Variants in SCN11A observed in about 807,000 individuals in gnomAD.
SCN11A encodes sodium channel protein type 11 subunit alpha.
A neutral mutation model predicts 162.2 loss-of-function variants in SCN11A; 122 were observed. The observed-to-expected ratio is 0.75, with a 90% confidence interval of 0.65 to 0.87. The LOEUF (loss-of-function observed/expected upper bound fraction) is 0.87, where lower values mean the gene tolerates loss of function less well. Ranked by LOEUF, SCN11A falls within the 40% of genes least tolerant of loss-of-function variation. The probability of loss-of-function intolerance (pLI) is 0.00; values close to 1 mark genes in which losing one functional copy is unlikely to be tolerated. For missense variants in SCN11A, 2,015 were observed against 2,181.6 expected (o/e 0.92, Z 1.52); for synonymous variants, 758 against 751.5 (o/e 1.01, Z -0.14).
At chr3:39,037,843 T>C (rs2031946136) in intron 1 of SCN11A, among the ~76,000 whole-genome samples, 1 of 152,184 alleles carries the variant, frequency 6.6e-6, no homozygotes, top group South Asian at 2.1e-4. Context: ...TGTTAAACCT[T>C]TCATATTATC....
At chr3:38,956,651 A>C (rs2066685126) in intron 3 of SCN11A, among the ~76,000 whole-genome samples, 1 of 152,162 alleles carries the variant, frequency 6.6e-6, no homozygotes, top group African/African-American at 2.4e-5. Context: ...GTTCCGGAAA[A>C]TAGTAGCTAC....
At chr3:38,856,878 CT>C (rs1185436198) in intron 28 of SCN11A, among the ~76,000 whole-genome samples, 1 of 152,124 alleles carries the variant, frequency 6.6e-6, no homozygotes, top group Non-Finnish European at 1.5e-5. Flanking sequence ...CACAATGACT[CT>C]TTATAACTAA....
At chr3:38,876,667 T>G (rs12635993) in intron 23 of SCN11A, among the ~76,000 whole-genome samples, 38,483 of 152,016 alleles carry the variant, frequency 0.25, 5,006 homozygotes, top group Middle Eastern at 0.3. Context: ...TGATACCACC[T>G]TACTCCTGCA....
chr3:39,050,048 A>G (rs2032285023), intron 1 of SCN11A, among the ~76,000 whole-genome samples: 1 of 152,228 alleles, frequency 6.6e-6, no homozygotes, highest in Non-Finnish European at 1.5e-5. Context: ...TTTGCACATC[A>G]TAGGTGCTCA....
chr3:38,899,775 GT>G, intron 17 of SCN11A, 118 bp downstream of exon 17: 1 of 758,742 alleles, frequency 1.3e-6, no homozygotes, highest in Non-Finnish European at 2.1e-6. Flanking sequence ...TGCAGTTTTG[GT>G]TCTGGGGTTA....
At chr3:39,035,259 A>T (rs1219705464) in intron 1 of SCN11A, among the ~76,000 whole-genome samples, 1 of 152,214 alleles carries the variant, frequency 6.6e-6, no homozygotes, top group Non-Finnish European at 1.5e-5. Context: ...ACACAGACCA[A>T]GGGAACAGAA....
intron 28 of SCN11A, among the ~76,000 whole-genome samples, chr3:38,861,837 T>C (rs1420995608): frequency 2.6e-5 from 4 of 152,098 alleles, no homozygotes; most frequent in Non-Finnish European, 5.9e-5. Flanking sequence ...AGGCAAAGAA[T>C]TCATGACCAA....
intron 11 of SCN11A, among the ~76,000 whole-genome samples, chr3:38,911,775 CT>C (rs1166777633): frequency 1.3e-5 from 2 of 152,076 alleles, no homozygotes; most frequent in Middle Eastern, 3.4e-3. Context: ...TAATAAGTTT[CT>C]TTTTTTGCTG....
intron 7 of SCN11A, among the ~76,000 whole-genome samples, chr3:38,943,580 T>G (rs962408713): frequency 6.6e-6 from 1 of 152,158 alleles, no homozygotes; most frequent in Non-Finnish European, 1.5e-5. Flanking sequence ...TTCATATGTC[T>G]GAAAAGCCAA....
At chr3:38,998,618 T>C (rs1174594987) in intron 2 of SCN11A, among the ~76,000 whole-genome samples, 1 of 152,154 alleles carries the variant, frequency 6.6e-6, no homozygotes. Flanking sequence ...ATATGTTTAT[T>C]GCGACACTAT....
chr3:38,945,393 T>A lies in SCN11A; in HGVS notation c.488+18A>T. 7 of 1,563,086 alleles carry A rather than the reference T, an allele frequency of 4.5e-6. No homozygotes were observed. Among genetic ancestry groups the A allele is most frequent in the Non-Finnish European group, 6.2e-6 (7 of 1,136,000 alleles). On this transcript the variant is annotated intron_variant, in intron 7 of 29. Transcript: ENST00000302328. Reference sequence around the variant, plus strand: ...TGTTTAAAAACTTAGGACAGGTGAGTGAAGGAAAAATACTTACTCTGCAAT... The same window carrying A: ...TGTTTAAAAACTTAGGACAGGTGAGAGAAGGAAAAATACTTACTCTGCAAT...
In SCN11A at chr3:38,926,735, C is replaced by A. The variant is rs138928857; in HGVS notation, c.617+68G>T. 3,059 of 1,508,004 alleles carry A rather than the reference C, an allele frequency of 2.0e-3. 10 individuals are homozygous for A. Among genetic ancestry groups the A allele is most frequent in the Middle Eastern group, 4.0e-3 (23 of 5,748 alleles). 93.4% of individuals were successfully genotyped at this position (1,508,004 alleles called of 1,614,324 possible). A position where few individuals can be genotyped will look rare whatever the true frequency, so the allele number is the denominator to read the frequency against. Reference sequence around the variant, plus strand: ...GCCACTCAAATGGATCCACACAGAGCTCTGATGGAAGCAAAGGGGCTTCTT... The same window carrying A: ...GCCACTCAAATGGATCCACACAGAGATCTGATGGAAGCAAAGGGGCTTCTT... On this transcript the variant is annotated intron_variant, in intron 8 of 29. Transcript: ENST00000302328.
chr3:38,912,655 A>G (rs2065901616), intron 11 of SCN11A, among the ~76,000 whole-genome samples: 1 of 152,062 alleles, frequency 6.6e-6, no homozygotes, highest in Non-Finnish European at 1.5e-5. Flanking sequence ...AGTAGGTCCC[A>G]GTAGCTGTTG....
At chr3:38,972,339 T>C (rs1359076057) in intron 2 of SCN11A, among the ~76,000 whole-genome samples, 2 of 152,072 alleles carry the variant, frequency 1.3e-5, no homozygotes, top group African/African-American at 4.8e-5. Flanking sequence ...CCCAGGTCCT[T>C]TTACCTATGC....
chr3:38,980,312 T>C (rs1310154746), intron 2 of SCN11A, among the ~76,000 whole-genome samples: 1 of 151,894 alleles, frequency 6.6e-6, no homozygotes, highest in Non-Finnish European at 1.5e-5. Context: ...CATGGAAAAC[T>C]GCACTCAGGG....
chr3:38,985,094 G>A (rs1176161308), intron 2 of SCN11A, among the ~76,000 whole-genome samples: 1 of 149,288 alleles, frequency 6.7e-6, no homozygotes, highest in African/African-American at 2.5e-5. Flanking sequence ...GACATATTCG[G>A]ATTTTTTAAA....
rs1379736040 is a variant in SCN11A, at chr3:38,871,491, A to G, written c.3713T>C (p.Val1238Ala). Reference protein sequence around the residue: ...SGNFSWINQKVNFDNVGNAYL... With the variant: ...SGNFSWINQKANFDNVGNAYL... ...AGCATTTCCCACATTGTCAAAGTTGACTTTCTGGTTGATCCAAGAGAAATT... is the reference window on the plus strand; with the variant it reads ...AGCATTTCCCACATTGTCAAAGTTGGCTTTCTGGTTGATCCAAGAGAAATT... The change falls in exon 25 of 30, where the codon GTC becomes GCC. Residue 1238 changes from valine to alanine, a missense_variant. Physicochemically the swap from Val to Ala is moderately conservative, Grantham distance 64. Transcript: ENST00000302328. 1.9e-6 allele frequency: 3 copies of G among 1,612,884 alleles called. No individual in the cohort carries two copies. Among genetic ancestry groups the G allele is most frequent in the Non-Finnish European group, 2.5e-6 (3 of 1,179,512 alleles).
At chr3:38,855,622 T>C (rs1029191941) in intron 28 of SCN11A, among the ~76,000 whole-genome samples, 2 of 152,120 alleles carry the variant, frequency 1.3e-5, no homozygotes, top group Non-Finnish European at 2.9e-5. Context: ...AGGACATGAC[T>C]GCAATTCATG....
chr3:39,048,903 C>T (rs573904040), intron 1 of SCN11A, among the ~76,000 whole-genome samples: 47 of 152,342 alleles, frequency 3.1e-4, no homozygotes, highest in African/African-American at 1.1e-3. Context: ...TGGCTAAGGA[C>T]TAGGCCAACA....
Sources: allele counts gnomAD v4.1 joint callset (sites outside exome capture counted in the v4.1 genomes callset), GRCh38; gene constraint gnomAD v4.1.1; transcripts MANE v1.5; gene names NCBI Gene and HGNC (gene_info 2026-07-23, HGNC 2026-07-21).